The following NAALADL2 variants were observed in gnomAD, a reference collection of about 807,000 sequenced individuals.
NAALADL2 encodes inactive N-acetylated-alpha-linked acidic dipeptidase-like protein 2.
A neutral mutation model predicts 87.2 loss-of-function variants in NAALADL2; 76 were observed. That is an observed-to-expected ratio of 0.87 (90% CI 0.72 to 1.05). The LOEUF is 1.05. Ranked by LOEUF, NAALADL2 falls within the 50% of genes least tolerant of loss-of-function variation. The pLI, the probability that NAALADL2 is intolerant of heterozygous loss-of-function variation, is 0.00. For synonymous variants in NAALADL2, 354 were observed against 331.0 expected (o/e 1.07, Z -0.75); for missense variants, 1,089 against 945.8 (o/e 1.15, Z -1.99).
chr3:175,489,044 C>T lies in NAALADL2; in HGVS notation c.1653+17286C>T, dbSNP rs551619396. The stretch of plus-strand genomic sequence containing the variant: ...ACATCCAGAAATAAAATAAAAACTG[C>T]TATTGAGGAAGAATGAAAAATTACG... On this transcript the variant is annotated intron_variant, in intron 9 of 13. Transcript: ENST00000454872. Among the ~76,000 whole-genome samples, 10 of 152,168 alleles carry T rather than the reference C, an allele frequency of 6.6e-5. No homozygotes were observed. The South Asian group carries it at 1.7e-3, about 25-fold the overall frequency.
At chr3:175,600,574 G>A (rs370363995) in intron 10 of NAALADL2, among the ~76,000 whole-genome samples, 1 of 108,298 alleles carries the variant, frequency 9.2e-6, no homozygotes, top group African/African-American at 3.6e-5. Flanking sequence ...GTCTCGCTCT[G>A]TCGCCCAGGC....
At chr3:175,473,038 A>G (rs190324621) in intron 9 of NAALADL2, among the ~76,000 whole-genome samples, 28 of 152,244 alleles carry the variant, frequency 1.8e-4, no homozygotes, top group African/African-American at 6.7e-4. Context: ...GTGTGTGACA[A>G]GTTTTATATT....
chr3:175,681,974 T>C (rs1560968687), intron 11 of NAALADL2, among the ~76,000 whole-genome samples: 1 of 152,156 alleles, frequency 6.6e-6, no homozygotes, highest in South Asian at 2.1e-4. Flanking sequence ...CCAAATTATT[T>C]GTTGGTTATA....
intron 2 of NAALADL2, among the ~76,000 whole-genome samples, chr3:175,116,746 C>CAA (rs768291039): frequency 1.3e-5 from 2 of 151,134 alleles, no homozygotes; most frequent in African/African-American, 4.9e-5. Context: ...ACAACAACAA[C>CAA]AAAAAAACCA....
chr3:174,756,499 T>G (rs896622123), intron 3 of NAALADL2, among the ~76,000 whole-genome samples: 5 of 152,236 alleles, frequency 3.3e-5, no homozygotes, highest in Non-Finnish European at 7.3e-5. Flanking sequence ...TTTAAAAAAA[T>G]TTCTGCAAAG....
intron 11 of NAALADL2, among the ~76,000 whole-genome samples, chr3:175,661,874 A>C (rs1732308088): frequency 6.6e-6 from 1 of 151,968 alleles, no homozygotes; most frequent in Non-Finnish European, 1.5e-5. Flanking sequence ...TGCCAGTACC[A>C]ACTTGTTTTA....
intron 2 of NAALADL2, among the ~76,000 whole-genome samples, chr3:174,617,330 GA>G (rs1173956952): frequency 2.0e-5 from 3 of 151,364 alleles, no homozygotes; most frequent in African/African-American, 7.3e-5. Context: ...TCCTTTAAAA[GA>G]ACACTAAAGA....
chr3:175,324,385 T>C, intron 5 of NAALADL2, 60 bp downstream of exon 5: 1 of 1,324,992 alleles, frequency 7.5e-7, no homozygotes, highest in Non-Finnish European at 1.0e-6. Flanking sequence ...TTGCAATTTA[T>C]AAATAAATGC....
chr3:175,650,502 C>A (rs1229639702), intron 11 of NAALADL2, among the ~76,000 whole-genome samples: 2 of 151,978 alleles, frequency 1.3e-5, no homozygotes, highest in African/African-American at 4.8e-5. Flanking sequence ...ATAACTATAC[C>A]TCAATAAAGC....
intron 2 of NAALADL2, among the ~76,000 whole-genome samples, chr3:174,702,839 A>G (rs892713181): frequency 1.3e-5 from 2 of 152,192 alleles, no homozygotes; most frequent in Non-Finnish European, 2.9e-5. Context: ...TGTGATTATA[A>G]TGTATTCCTT....
intron 1 of NAALADL2, among the ~76,000 whole-genome samples, chr3:174,956,367 T>C (rs1279254723): frequency 1.3e-5 from 2 of 152,104 alleles, no homozygotes; most frequent in East Asian, 1.9e-4. Flanking sequence ...AGGAATATTG[T>C]CATTGGATGA....
chr3:175,332,719 A>G (rs1326223832), intron 5 of NAALADL2, among the ~76,000 whole-genome samples: 1 of 152,144 alleles, frequency 6.6e-6, no homozygotes, highest in East Asian at 1.9e-4. Flanking sequence ...CTGTCGGATG[A>G]AATGTTCTGT....
At chr3:175,736,480 A>G (rs561867869) in intron 11 of NAALADL2, among the ~76,000 whole-genome samples, 9 of 152,340 alleles carry the variant, frequency 5.9e-5, no homozygotes, top group African/African-American at 1.9e-4. Context: ...CACACCAAAC[A>G]AAGAGTCTGT....
intron 12 of NAALADL2, among the ~76,000 whole-genome samples, chr3:175,739,959 A>G (rs1745017691): frequency 6.6e-6 from 1 of 152,198 alleles, no homozygotes; most frequent in African/African-American, 2.4e-5. Context: ...AGTATGGAGG[A>G]GAGATCTGAC....
intron 2 of NAALADL2, among the ~76,000 whole-genome samples, chr3:175,149,075 G>T (rs891139381): frequency 6.6e-6 from 1 of 152,050 alleles, no homozygotes; most frequent in Non-Finnish European, 1.5e-5. Context: ...TTTTTCCTAT[G>T]CATGAGCCCA....
chr3:175,400,475 A>T (rs1167805298), intron 5 of NAALADL2, among the ~76,000 whole-genome samples: 1 of 152,164 alleles, frequency 6.6e-6, no homozygotes, highest in Non-Finnish European at 1.5e-5. Context: ...AGTGAAAGAT[A>T]AATGGGAATA....
At chr3:174,589,089 C>A (rs1717061555) in intron 2 of NAALADL2, among the ~76,000 whole-genome samples, 2 of 152,272 alleles carry the variant, frequency 1.3e-5, no homozygotes, top group Admixed American at 1.3e-4. Flanking sequence ...GACACCCCTC[C>A]CCCAGCCTCG....
At chr3:175,116,156 C>G (rs1413353916) in intron 2 of NAALADL2, among the ~76,000 whole-genome samples, 1 of 151,918 alleles carries the variant, frequency 6.6e-6, no homozygotes, top group African/African-American at 2.4e-5. Flanking sequence ...GGAAGCATTC[C>G]CTTTGAAAAC....
chr3:174,799,169 CAAA>C (rs3040101), intron 3 of NAALADL2, among the ~76,000 whole-genome samples: 2 of 125,052 alleles, frequency 1.6e-5, no homozygotes, highest in African/African-American at 5.8e-5. Flanking sequence ...GACTCTGTCT[CAAA>C]AAAAAAAAAA....
Sources: allele counts gnomAD v4.1 joint callset (sites outside exome capture counted in the v4.1 genomes callset), GRCh38; gene constraint gnomAD v4.1.1; transcripts MANE v1.5; gene names NCBI Gene and HGNC (gene_info 2026-07-23, HGNC 2026-07-21).